NCKAP5: variants seen among roughly 807,000 people sequenced by gnomAD.
The protein encoded by NCKAP5 is nck-associated protein 5.
NCKAP5 carries 92 observed loss-of-function variants against 167.0 expected under a neutral mutation model. That is an observed-to-expected ratio of 0.55 (90% CI 0.47 to 0.66). The LOEUF is 0.66. Ranked by LOEUF, NCKAP5 falls within the 30% of genes least tolerant of loss-of-function variation. NCKAP5 has a pLI of 0.00. For missense variants in NCKAP5, 2,378 were observed against 2,315.0 expected (o/e 1.03, Z -0.56); for synonymous variants, 891 against 877.4 (o/e 1.02, Z -0.27).
intron 5 of NCKAP5, among the ~76,000 whole-genome samples, chr2:133,204,601 T>C (rs939153243): frequency 6.6e-6 from 1 of 152,232 alleles, no homozygotes; most frequent in African/African-American, 2.4e-5. Flanking sequence ...AGTAAATCTT[T>C]ATATGAGCCA....
In NCKAP5 at chr2:132,892,461, T is replaced by C. The variant is rs1314478468; in HGVS notation, c.580-13545A>G. On this transcript the variant is annotated intron_variant, in intron 8 of 19. Coordinates refer to ENST00000409261, the MANE Select transcript of NCKAP5 (RefSeq NM_207363.3). ...CCAGATGTGCTTTCAGAGATACAAA[T>C]CTATGACTTTCAAGCTAGGGTGGAC... Among the ~76,000 whole-genome samples, 5 of 152,114 alleles carry C rather than the reference T, an allele frequency of 3.3e-5. 1 individual carries two copies. Among genetic ancestry groups the C allele is most frequent in the Middle Eastern group, 6.3e-3 (2 of 316 alleles).
At chr2:132,707,233 C>T (rs1688447207) in intron 19 of NCKAP5, among the ~76,000 whole-genome samples, 1 of 152,218 alleles carries the variant, frequency 6.6e-6, no homozygotes, top group East Asian at 1.9e-4. Flanking sequence ...CTGTGGGACT[C>T]TTCACTGGAA....
the NCKAP5 span, among the ~76,000 whole-genome samples, chr2:133,609,542 C>T: frequency 6.6e-6 from 1 of 152,012 alleles, no homozygotes; most frequent in South Asian, 2.1e-4. Context: ...ATACTCTCAC[C>T]CGATGCTCCC....
At chr2:132,905,167 T>G (rs1258524394) in intron 8 of NCKAP5, among the ~76,000 whole-genome samples, 1 of 152,224 alleles carries the variant, frequency 6.6e-6, no homozygotes, top group Non-Finnish European at 1.5e-5. Context: ...CATAAGTATC[T>G]TCTTTCTTTC....
At chr2:133,234,072 T>C (rs1297535186) in intron 4 of NCKAP5, among the ~76,000 whole-genome samples, 3 of 152,174 alleles carry the variant, frequency 2.0e-5, no homozygotes, top group African/African-American at 7.2e-5. Context: ...GGAGCACTCC[T>C]CATGAGAGCT....
chr2:132,740,349 T>G (rs1174558063), intron 16 of NCKAP5, among the ~76,000 whole-genome samples: 1 of 152,148 alleles, frequency 6.6e-6, no homozygotes, highest in Non-Finnish European at 1.5e-5. Context: ...CCTAAACATC[T>G]TTAAGCTACA....
At chr2:133,161,839 T>C (rs560128548) in intron 5 of NCKAP5, among the ~76,000 whole-genome samples, 2 of 152,324 alleles carry the variant, frequency 1.3e-5, no homozygotes, top group East Asian at 1.9e-4. Context: ...ATGAGGTATA[T>C]AGGGCCCAGA....
At chr2:133,426,269 C>CA (rs997206329) in intron 3 of NCKAP5, among the ~76,000 whole-genome samples, 40 of 145,126 alleles carry the variant, frequency 2.8e-4, no homozygotes, top group African/African-American at 6.6e-4. Context: ...AACTTCATCT[C>CA]AAAAAAAAAA....
intron 6 of NCKAP5, among the ~76,000 whole-genome samples, chr2:133,049,236 A>G (rs2079515820): frequency 6.6e-6 from 1 of 152,194 alleles, no homozygotes; most frequent in Non-Finnish European, 1.5e-5. Flanking sequence ...TCCAGCAAAC[A>G]GAGCTCTGAA....
At chr2:132,706,173 CCT>C (rs1309787342) in intron 19 of NCKAP5, among the ~76,000 whole-genome samples, 1 of 152,016 alleles carries the variant, frequency 6.6e-6, no homozygotes, top group Non-Finnish European at 1.5e-5. Context: ...TCATGCACTC[CCT>C]CTCTGTCCTT....
intron 16 of NCKAP5, among the ~76,000 whole-genome samples, chr2:132,743,459 A>AT (rs1679379728): frequency 6.6e-6 from 1 of 151,814 alleles, no homozygotes; most frequent in Non-Finnish European, 1.5e-5. Flanking sequence ...GTAACATATT[A>AT]TGTAAAATAG....
chr2:133,182,003 A>G (rs902214569), intron 5 of NCKAP5, among the ~76,000 whole-genome samples: 2 of 152,240 alleles, frequency 1.3e-5, no homozygotes, highest in Middle Eastern at 3.2e-3. Flanking sequence ...CAGAGCAAAG[A>G]AAGTGACAAG....
chr2:132,683,274 A>AT, intron 19 of NCKAP5, among the ~76,000 whole-genome samples: 1 of 151,620 alleles, frequency 6.6e-6, no homozygotes, highest in Non-Finnish European at 1.5e-5. Context: ...CCTAAAAAAA[A>AT]ATTCTTCCAA....
chr2:132,699,113 C>T (rs1367093244), intron 19 of NCKAP5, among the ~76,000 whole-genome samples: 1 of 152,110 alleles, frequency 6.6e-6, no homozygotes, highest in Non-Finnish European at 1.5e-5. Context: ...AGCACAGAAC[C>T]AGGTGCTTCA....
At chr2:133,314,923 A>G (rs1276460406) in intron 3 of NCKAP5, among the ~76,000 whole-genome samples, 1 of 152,344 alleles carries the variant, frequency 6.6e-6, no homozygotes, top group Admixed American at 6.5e-5. Flanking sequence ...CTAGGCAGAC[A>G]AAACCAGCGT....
At chr2:133,178,599 G>A (rs147318261) in intron 5 of NCKAP5, among the ~76,000 whole-genome samples, 1 of 150,394 alleles carries the variant, frequency 6.6e-6, no homozygotes, top group East Asian at 2.0e-4. Context: ...GCCGATGCGG[G>A]CGGATCACGA....
chr2:132,871,124 T>C (rs1185321956), intron 9 of NCKAP5, among the ~76,000 whole-genome samples: 2 of 152,188 alleles, frequency 1.3e-5, no homozygotes, highest in Non-Finnish European at 2.9e-5. Context: ...TATACTTTCA[T>C]TAACTGAGGC....
intron 3 of NCKAP5, among the ~76,000 whole-genome samples, chr2:133,307,103 T>C (rs915665159): frequency 6.6e-6 from 1 of 152,330 alleles, no homozygotes. Flanking sequence ...ATTAAACTAT[T>C]GTTACTAACT....
chr2:132,999,062 C>G (rs903377169), intron 6 of NCKAP5, among the ~76,000 whole-genome samples: 3 of 152,102 alleles, frequency 2.0e-5, no homozygotes, highest in African/African-American at 7.2e-5. Flanking sequence ...TAACGTACAT[C>G]AAGTGAACTA....
Sources: gnomAD v4.1 joint callset for allele counts (sites outside exome capture counted in the v4.1 genomes callset) on GRCh38, gnomAD v4.1.1 for gene constraint, MANE v1.5 for transcripts, NCBI Gene and HGNC (gene_info 2026-07-23, HGNC 2026-07-21) for gene names.